The following PSMA8 variants were observed in gnomAD, a reference collection of about 807,000 sequenced individuals.
PSMA8 encodes the protein proteasome 20S subunit alpha 8.
Under a neutral mutation model 32.4 loss-of-function variants are expected in PSMA8, and 18 were observed. That is an observed-to-expected ratio of 0.56 (90% CI 0.38 to 0.82). The LOEUF (loss-of-function observed/expected upper bound fraction) is 0.82. Among genes scored for constraint, PSMA8 ranks in the 40% least tolerant of loss-of-function variants. The probability of loss-of-function intolerance (pLI) is 0.00; values close to 1 mark genes in which losing one functional copy is unlikely to be tolerated. For missense variants in PSMA8, 298 were observed against 300.7 expected (o/e 0.99, Z 0.07); for synonymous variants, 104 against 98.1 (o/e 1.06, Z -0.36).
rs192076382 is a variant in PSMA8 at position 26,183,932 on chromosome 18, A to G, written c.660+4802A>G. On this transcript the variant is annotated intron_variant, in intron 6 of 6. Coordinates refer to ENST00000415576, the MANE Select transcript of PSMA8 (RefSeq NM_001025096.2). ...ACTACCCTGATGAGTCAGCTCCATCATCAAGACAAGACCCCACCAGCAAAA... is the reference window on the plus strand; with the variant it reads ...ACTACCCTGATGAGTCAGCTCCATCGTCAAGACAAGACCCCACCAGCAAAA... Among the ~76,000 whole-genome samples, 44 of 150,998 alleles carry G rather than the reference A, an allele frequency of 2.9e-4. 4 individuals are homozygous for G. In the East Asian group the frequency reaches 8.5e-3, roughly 29 times the overall value.
rs568780571 is a variant in PSMA8 at position 26,187,342 on chromosome 18, G to C, written c.661-4977G>C. 3.3e-3 allele frequency among the ~76,000 whole-genome samples: 500 copies of C among 152,136 alleles called. 3 individuals are homozygous for C. The highest frequency in any genetic ancestry group is 0.011 in the African/African-American group (445 of 41,502). ...AGCCTGGGCGACAGAGCAAGAGTCT[G>C]CTTCAAAAAAAGTGAGGTCTGAGCA... On this transcript the variant is annotated intron_variant, in intron 6 of 6. Transcript: ENST00000415576.
chr18:26,138,541 C>T (rs2054930340), intron 1 of PSMA8, among the ~76,000 whole-genome samples: 1 of 152,152 alleles, frequency 6.6e-6, no homozygotes, highest in African/African-American at 2.4e-5. Context: ...GACAGATGGT[C>T]CCTTTATAAG....
chr18:26,155,488 C>T (rs1173233443), intron 3 of PSMA8, among the ~76,000 whole-genome samples: 1 of 152,110 alleles, frequency 6.6e-6, no homozygotes, highest in Non-Finnish European at 1.5e-5. Context: ...ATAGAGAACC[C>T]AGAAATAAAT....
chr18:26,184,179 T>G (rs1246942278), intron 6 of PSMA8, among the ~76,000 whole-genome samples: 3 of 150,770 alleles, frequency 2.0e-5, no homozygotes, highest in Non-Finnish European at 4.4e-5. Context: ...CCACAATTTT[T>G]CCAAGGTATG....
At position 26,180,695 on chromosome 18, in the gene PSMA8, G is replaced by GACACAC. The variant is rs45627236; in HGVS notation, c.660+1595_660+1600dup. Among the ~76,000 whole-genome samples the GACACAC allele has an allele frequency of 8.3e-3, 1,186 of 143,430 alleles. 13 individuals are homozygous for GACACAC. The highest frequency in any genetic ancestry group is 0.022 in the African/African-American group (869 of 39,476). The allele number at this position is 143,430 out of a possible 152,430, so 94.1% of individuals were successfully genotyped here. A position where few individuals can be genotyped will look rare whatever the true frequency, so the allele number is the denominator to read the frequency against. ...TAATATACCTATGCATATAAAAATA[G>GACACAC]ACACACACACACACACACACACACA... is the stretch of plus-strand genomic sequence containing the variant. On this transcript the variant is annotated intron_variant, in intron 6 of 6. Transcript: ENST00000415576.
rs146000809 is a variant in PSMA8 at position 26,178,843 on chromosome 18, G to C, written c.491G>C (p.Gly164Ala). Residue 164 changes from glycine (G) to alanine (A), a missense_variant, in exon 5 of 7, where the codon GGC becomes GCC. Transcript: ENST00000415576. ...TYHAWKANAI[G>A]RSAKTVREFL... ...TTATTTTTCAAGGCAAATGCAATAG[G>C]CCGAAGTGCTAAAACTGTTCGAGAA... 17 of 1,611,984 alleles carry C rather than the reference G, an allele frequency of 1.1e-5. No individual in the cohort carries two copies. The African/African-American group carries it at 2.1e-4, about 20-fold the overall frequency.
chr18:26,189,116 G>A (rs1568073647), intron 6 of PSMA8, among the ~76,000 whole-genome samples: 1 of 152,120 alleles, frequency 6.6e-6, no homozygotes, highest in Non-Finnish European at 1.5e-5. Flanking sequence ...TAACCAGAAT[G>A]TATAAGGAGC....
At chr18:26,182,627 C>T (rs1213658754) in intron 6 of PSMA8, among the ~76,000 whole-genome samples, 3 of 152,228 alleles carry the variant, frequency 2.0e-5, no homozygotes, top group Admixed American at 6.5e-5. Context: ...CATCTTTCTG[C>T]AGCACATGCA....
chr18:26,172,777 A>G (rs1017826882), intron 4 of PSMA8, among the ~76,000 whole-genome samples: 1 of 152,198 alleles, frequency 6.6e-6, no homozygotes, highest in African/African-American at 2.4e-5. Flanking sequence ...TGATGGTGCC[A>G]GTTCCTTATG....
intron 6 of PSMA8, among the ~76,000 whole-genome samples, chr18:26,186,248 CAAAAAAAAAAAAAAAA>C (rs534639436): frequency 3.6e-5 from 1 of 27,828 alleles, no homozygotes; most frequent in Non-Finnish European, 1.1e-4. Context: ...GACTCTGTCT[CAAAAAAAAAAAAAAAA>C]AAAAAAAAAA....
chr18:26,187,874 T>C (rs974021610), intron 6 of PSMA8, among the ~76,000 whole-genome samples: 1 of 152,194 alleles, frequency 6.6e-6, no homozygotes, highest in African/African-American at 2.4e-5. Context: ...ATTGGACAGA[T>C]CTTCCAGACA....
chr18:26,183,769 A>G (rs769476444), intron 6 of PSMA8, among the ~76,000 whole-genome samples: 3 of 151,072 alleles, frequency 2.0e-5, no homozygotes, highest in South Asian at 4.2e-4. Flanking sequence ...GAAAAGTTCA[A>G]TTGTGAGTAA....
intron 2 of PSMA8, among the ~76,000 whole-genome samples, chr18:26,145,748 G>A (rs2054997837): frequency 6.6e-6 from 1 of 152,116 alleles, no homozygotes; most frequent in South Asian, 2.1e-4. Flanking sequence ...CAGTGGGTTT[G>A]TTAACTCTCC....
intron 1 of PSMA8, among the ~76,000 whole-genome samples, chr18:26,139,668 A>T (rs563509444): frequency 2.4e-4 from 37 of 152,330 alleles, no homozygotes; most frequent in African/African-American, 8.7e-4. Flanking sequence ...TAGACTATAG[A>T]CTAAGCCGAG....
In PSMA8 at chr18:26,184,635, A is replaced by G. The variant is rs1250384053; in HGVS notation, c.660+5505A>G. On this transcript the variant is annotated intron_variant, in intron 6 of 6. Transcript: ENST00000415576. ...TAAAAATATAAAAAATTAGCCGGGC[A>G]TGGTGGCATGTGCCTGTAATCCCAG... Among the ~76,000 whole-genome samples the G allele has an allele frequency of 2.7e-5, 4 of 149,378 alleles. No individual in the cohort carries two copies. In the East Asian group the frequency reaches 8.0e-4, roughly 30 times the overall value.
chr18:26,137,070 T>G (rs986118248), intron 1 of PSMA8, among the ~76,000 whole-genome samples: 1 of 152,228 alleles, frequency 6.6e-6, no homozygotes, highest in African/African-American at 2.4e-5. Context: ...ATTAATTAGC[T>G]TCCATTATCA....
intron 6 of PSMA8, among the ~76,000 whole-genome samples, chr18:26,190,578 G>A (rs191169629): frequency 2.2e-4 from 33 of 152,140 alleles, no homozygotes; most frequent in African/African-American, 2.6e-4. Flanking sequence ...GCGAAACCCC[G>A]TCTCTACAAA....
At chr18:26,134,110 G>C in intron 1 of PSMA8, 43 bp downstream of exon 1, 2 of 1,472,780 alleles carry the variant, frequency 1.4e-6, no homozygotes, top group Non-Finnish European at 1.9e-6. Context: ...GCTCTGACCT[G>C]TCAGGCCATC....
At chr18:26,140,514 C>A (rs1191380789) in intron 1 of PSMA8, among the ~76,000 whole-genome samples, 1 of 152,180 alleles carries the variant, frequency 6.6e-6, no homozygotes, top group Non-Finnish European at 1.5e-5. Context: ...CACCTGGATT[C>A]TTTTCTTAGG....
Sources: allele counts gnomAD v4.1 joint callset (sites outside exome capture counted in the v4.1 genomes callset), GRCh38; gene constraint gnomAD v4.1.1; transcripts MANE v1.5; gene names NCBI Gene and HGNC (gene_info 2026-07-23, HGNC 2026-07-21).